The following SLC7A2 variants were observed in gnomAD, a reference collection of about 807,000 sequenced individuals.
The protein encoded by SLC7A2 is solute carrier family 7 member 2.
In SLC7A2, 48 loss-of-function variants were observed where a neutral mutation model predicts 58.9. The ratio of observed to expected loss-of-function variants is 0.82; its 90% confidence interval spans 0.65 to 1.04. SLC7A2 has a LOEUF of 1.04. Ranked by LOEUF, SLC7A2 falls within the 50% of genes least tolerant of loss-of-function variation. The pLI, the probability that SLC7A2 is intolerant of heterozygous loss-of-function variation, is 0.00. For missense variants in SLC7A2, 1,029 were observed against 818.8 expected, an observed-to-expected ratio of 1.26 and a Z score of -3.13; for synonymous variants, 363 against 314.5, an observed-to-expected ratio of 1.15 and a Z score of -1.63.
At chr8:17,534,215 G>C (rs1336741442) in intron 2 of SLC7A2, among the ~76,000 whole-genome samples, 1 of 152,140 alleles carries the variant, frequency 6.6e-6, no homozygotes, top group African/African-American at 2.4e-5. Context: ...GTTTCATCCA[G>C]GTCTTTGGGA....
rs2150793163 is a variant in SLC7A2, at chr8:17,566,928, A to G, written c.*1782A>G. The G allele has an allele frequency of 6.5e-6, 1 of 152,674 alleles. No individual in the cohort carries two copies. The highest frequency in any genetic ancestry group is 2.4e-5 in the African/African-American group (1 of 41,558). The allele number at this position is 152,674 out of a possible 1,614,324, so 9.5% of individuals were successfully genotyped here. ...TCATGGGTCTTCCAAGAAATGAGCT[A>G]TTTTATTGATGCCATTAAAAAGCAA... On this transcript the variant is annotated 3_prime_UTR_variant, in exon 13 of 13. Transcript: ENST00000494857.
chr8:17,552,008 G>T (rs549602408), intron 7 of SLC7A2, 22 bp downstream of exon 7: 4 of 1,603,486 alleles, frequency 2.5e-6, no homozygotes, highest in Admixed American at 3.3e-5. Context: ...CGCCTTTGGG[G>T]CACGGGCTGT....
chr8:17,557,898 A>G (rs1209988748), intron 8 of SLC7A2, among the ~76,000 whole-genome samples: 4 of 152,200 alleles, frequency 2.6e-5, no homozygotes, highest in East Asian at 1.9e-4. Flanking sequence ...TATAATATCT[A>G]TAATGAAAGC....
intron 8 of SLC7A2, among the ~76,000 whole-genome samples, chr8:17,557,003 C>T (rs1022923332): frequency 4.6e-5 from 7 of 152,048 alleles, no homozygotes; most frequent in East Asian, 3.9e-4. Context: ...AACTCTGCCC[C>T]GACGGGTAGT....
chr8:17,564,884 C>T, intron 12 of SLC7A2, 66 bp from the exon 13 acceptor site: 5 of 1,307,770 alleles, frequency 3.8e-6, no homozygotes, highest in Admixed American at 2.6e-5. Flanking sequence ...TTTTCCACCT[C>T]AATAACTTAA....
Position 17,564,966 on chromosome 8 carries a change from T to C in SLC7A2, c.1797T>C (p.Phe599=). The change falls in exon 13 of 13, where the codon TTT becomes TTC. Residue 599 remains phenylalanine, a synonymous_variant. Transcript: ENST00000494857. ...IWMAIGFLIY[F]SYGIRHSLEG... ...CCCCAACAGGCTTCCTGATTTACTT[T>C]TCTTATGGCATTAGACACAGCCTGG... 6.3e-7 allele frequency: 1 copy of C among 1,581,288 alleles called. No individual in the cohort carries two copies. The highest frequency in any genetic ancestry group is 1.2e-5 in the South Asian group (1 of 85,634).
In SLC7A2 at chr8:17,560,538, GTCT is replaced by G. The variant is rs750419696; in HGVS notation, c.1504+12_1504+14del. On this transcript the variant is annotated splice_donor_region_variant and intron_variant, in intron 10 of 12. Transcript: ENST00000494857. ...GCTTTCTGGTAGGATTCCTAGGTAA[GTCT>G]TCTTCTCTGCTTACATTGTACAGAC... The G allele has an allele frequency of 3.2e-5, 52 of 1,610,442 alleles. No homozygotes were observed. Among genetic ancestry groups the G allele is most frequent in the Admixed American group, 5.0e-5 (3 of 59,974 alleles).
intron 2 of SLC7A2, chr8:17,538,721 A>G (rs1200409317): frequency 2.2e-6 from 3 of 1,371,166 alleles, no homozygotes; most frequent in African/African-American, 1.5e-5. Flanking sequence ...GGGCAAAAAC[A>G]GTATGGTAAA....
chr8:17,499,138 G>A (rs150381602), intron 1 of SLC7A2: 11 of 152,238 alleles, frequency 7.2e-5, no homozygotes, highest in African/African-American at 2.6e-4. Context: ...GTTATGGCCA[G>A]ACCCGGAGTC....
At chr8:17,515,205 T>A in intron 2 of SLC7A2, among the ~76,000 whole-genome samples, 1 of 152,222 alleles carries the variant, frequency 6.6e-6, no homozygotes, top group Non-Finnish European at 1.5e-5. Flanking sequence ...CCGGTACTTT[T>A]CCAAAGTCAT....
Position 17,540,282 on chromosome 8 carries a change from G to A in SLC7A2, c.-22-3036G>A, listed in dbSNP as rs1222841189. Among the ~76,000 whole-genome samples the A allele has an allele frequency of 1.3e-5, 2 of 152,158 alleles. 1 individual carries two copies. The highest frequency in any genetic ancestry group is 4.8e-5 in the African/African-American group (2 of 41,440). On this transcript the variant is annotated intron_variant, in intron 2 of 12. Coordinates refer to ENST00000494857, the MANE Select transcript of SLC7A2 (RefSeq NM_001370338.1). ...TTTGCAATCCGTATTTTACCAGGCT[G>A]TGCGTAGTTGAGATTGTTTGCAAAG...
At chr8:17,557,046 TG>T (rs1385628562) in intron 8 of SLC7A2, among the ~76,000 whole-genome samples, 2 of 152,178 alleles carry the variant, frequency 1.3e-5, no homozygotes, top group African/African-American at 2.4e-5. Flanking sequence ...ATCTCTAAGA[TG>T]GGGATAATTC....
intron 2 of SLC7A2, among the ~76,000 whole-genome samples, chr8:17,524,336 A>G (rs770965611): frequency 2.0e-4 from 30 of 152,148 alleles, no homozygotes; most frequent in Admixed American, 5.2e-4. Context: ...TTGCAATTGC[A>G]AAAATGTGGA....
chr8:17,509,257 A>G (rs1800497945), intron 2 of SLC7A2, among the ~76,000 whole-genome samples: 1 of 152,204 alleles, frequency 6.6e-6, no homozygotes, highest in East Asian at 1.9e-4. Context: ...GCTATTTTCA[A>G]GAATTGGAAG....
In SLC7A2 at chr8:17,565,401, T is replaced by A. The variant is rs952240666; in HGVS notation, c.*255T>A. The A allele has an allele frequency of 1.5e-5, 6 of 413,792 alleles. No individual in the cohort carries two copies. The highest frequency in any genetic ancestry group is 2.6e-5 in the Non-Finnish European group (6 of 230,732). The allele number at this position is 413,792 out of a possible 1,614,324, so 25.6% of individuals were successfully genotyped here. A position where few individuals can be genotyped will look rare whatever the true frequency, so the allele number is the denominator to read the frequency against. Reference sequence around the variant, plus strand: ...GTGGGAGTGTGTATGTATGTGTGTATGTATGTATCTATGTATATGCTTGGG... The same window carrying A: ...GTGGGAGTGTGTATGTATGTGTGTAAGTATGTATCTATGTATATGCTTGGG... On this transcript the variant is annotated 3_prime_UTR_variant, in exon 13 of 13. Transcript: ENST00000494857.
intron 2 of SLC7A2, among the ~76,000 whole-genome samples, chr8:17,507,383 T>C (rs1585182706): frequency 6.6e-6 from 1 of 152,134 alleles, no homozygotes; most frequent in South Asian, 2.1e-4. Flanking sequence ...ATTATTATTA[T>C]TTTTGTGTGT....
At chr8:17,545,522 T>G (rs1055818293) in intron 4 of SLC7A2, among the ~76,000 whole-genome samples, 2 of 148,182 alleles carry the variant, frequency 1.3e-5, no homozygotes, top group Admixed American at 1.4e-4. Flanking sequence ...CTCAGCCTCC[T>G]GAGTAGCTGG....
At chr8:17,561,360 A>G (rs1802974432) in intron 10 of SLC7A2, among the ~76,000 whole-genome samples, 1 of 152,132 alleles carries the variant, frequency 6.6e-6, no homozygotes, top group South Asian at 2.1e-4. Flanking sequence ...GAGAATGGTA[A>G]CCAAGCAAAA....
At chr8:17,560,688 A>C (rs1205210752) in intron 10 of SLC7A2, among the ~76,000 whole-genome samples, 155 bp downstream of exon 10, 1 of 152,200 alleles carries the variant, frequency 6.6e-6, no homozygotes, top group Non-Finnish European at 1.5e-5. Context: ...AGTGGTTGAG[A>C]TCATCTTTAT....
Sources: allele counts gnomAD v4.1 joint callset (sites outside exome capture counted in the v4.1 genomes callset), GRCh38; gene constraint gnomAD v4.1.1; transcripts MANE v1.5; gene names NCBI Gene and HGNC (gene_info 2026-07-23, HGNC 2026-07-21).